The following SPPL3 variants were observed in gnomAD, a reference collection of about 807,000 sequenced individuals.
SPPL3 encodes signal peptide peptidase-like 3.
A neutral mutation model predicts 42.4 loss-of-function variants in SPPL3; 5 were observed. The ratio of observed to expected loss-of-function variants is 0.12; its 90% CI spans 0.06 to 0.25. SPPL3 has a LOEUF of 0.25. SPPL3 is among the 10% of genes least tolerant of loss of function. SPPL3 has a pLI of 1.00. For synonymous variants in SPPL3, 195 were observed against 181.8 expected, an observed-to-expected ratio of 1.07 and a Z score of -0.58; for missense variants, 235 against 489.0, an observed-to-expected ratio of 0.48 and a Z score of 4.90.
At chr12:120,901,653 C>T (rs990003115) in intron 1 of SPPL3, among the ~76,000 whole-genome samples, 4 of 151,652 alleles carry the variant, frequency 2.6e-5, no homozygotes, top group African/African-American at 9.7e-5. Context: ...ATATGCCACC[C>T]TCTCTCCAGA....
intron 1 of SPPL3, among the ~76,000 whole-genome samples, chr12:120,895,573 G>A (rs534013510): frequency 2.0e-5 from 3 of 152,226 alleles, no homozygotes; most frequent in Non-Finnish European, 4.4e-5. Context: ...CAATATAAAG[G>A]ACATCTCAAA....
intron 2 of SPPL3, among the ~76,000 whole-genome samples, chr12:120,802,949 T>C (rs1870366640): frequency 6.6e-6 from 1 of 152,196 alleles, no homozygotes; most frequent in African/African-American, 2.4e-5. Flanking sequence ...GCCACCAACT[T>C]ATATTGAAGG....
At chr12:120,803,209 T>C (rs1306199220) in intron 2 of SPPL3, among the ~76,000 whole-genome samples, 1 of 152,244 alleles carries the variant, frequency 6.6e-6, no homozygotes, top group African/African-American at 2.4e-5. Context: ...ACAGGAGTGC[T>C]GGCATTATGG....
intron 1 of SPPL3, among the ~76,000 whole-genome samples, chr12:120,846,158 G>C (rs1367216229): frequency 6.6e-6 from 1 of 152,164 alleles, no homozygotes; most frequent in Non-Finnish European, 1.5e-5. Context: ...GGTTAGCTCT[G>C]TGAGAGCAGG....
At chr12:120,900,106 C>G (rs915937187) in intron 1 of SPPL3, among the ~76,000 whole-genome samples, 1 of 151,894 alleles carries the variant, frequency 6.6e-6, no homozygotes, top group Non-Finnish European at 1.5e-5. Flanking sequence ...AATAATAAAC[C>G]TCCATGTACT....
chr12:120,901,909 T>C (rs2137075142), intron 1 of SPPL3: 1 of 985,534 alleles, frequency 1.0e-6, no homozygotes, highest in Non-Finnish European at 1.2e-6. Flanking sequence ...CCCCATTTCT[T>C]GACCACTGAG....
chr12:120,762,723 A>G lies in SPPL3; in HGVS notation c.*2276T>C, dbSNP rs1224659273. ...ATTCTTCTGCCTCAGCCTCCCAAAT[A>G]GCTGGGATTACAGGCGCCTGCCACC... is the stretch of plus-strand genomic sequence containing the variant. On this transcript the variant is annotated 3_prime_UTR_variant, in exon 11 of 11. Transcript: ENST00000353487. 6.6e-6 allele frequency: 1 copy of G among 151,646 alleles called. No individual in the cohort carries two copies. Among genetic ancestry groups the G allele is most frequent in the Non-Finnish European group, 1.5e-5 (1 of 68,034 alleles). 9.4% of individuals were successfully genotyped at this position (151,646 alleles called of 1,614,324 possible). A position where few individuals can be genotyped will look rare whatever the true frequency, so the allele number is the denominator to read the frequency against.
At chr12:120,883,174 G>A (rs569616853) in intron 1 of SPPL3, among the ~76,000 whole-genome samples, 86 of 151,896 alleles carry the variant, frequency 5.7e-4, no homozygotes, top group Middle Eastern at 6.9e-3. Context: ...GCGTGGTGGC[G>A]GGCACCTGTA....
At chr12:120,806,187 T>C (rs540043206) in intron 2 of SPPL3, among the ~76,000 whole-genome samples, 1 of 135,800 alleles carries the variant, frequency 7.4e-6, no homozygotes, top group South Asian at 2.5e-4. Context: ...TATCTTTACT[T>C]TTATGGTCGA....
At chr12:120,814,004 A>G (rs922754734) in intron 1 of SPPL3, among the ~76,000 whole-genome samples, 3 of 152,214 alleles carry the variant, frequency 2.0e-5, no homozygotes, top group African/African-American at 7.2e-5. Flanking sequence ...AAAGTTAAAC[A>G]TAAGTTTATC....
chr12:120,837,838 A>G (rs889589343), intron 1 of SPPL3, among the ~76,000 whole-genome samples: 9 of 145,302 alleles, frequency 6.2e-5, no homozygotes, highest in Non-Finnish European at 1.4e-4. Flanking sequence ...ACACACACAC[A>G]TGACTAGTGC....
rs1294165677 is a variant in SPPL3 at position 120,810,824 on chromosome 12, A to G, written c.86T>C (p.Val29Ala). 1.2e-6 allele frequency: 2 copies of G among 1,611,498 alleles called. No homozygotes were observed. Among genetic ancestry groups the G allele is most frequent in the Non-Finnish European group, 1.7e-6 (2 of 1,177,728 alleles). Residue 29 changes from valine to alanine, a missense_variant, in exon 2 of 11, where the codon GTC becomes GCC. Physicochemically the swap from Val to Ala is moderately conservative, Grantham distance 64. This residue lies in a region of SPPL3 where 110 missense variants were observed against 186.2 expected (regional missense o/e 0.59). Coordinates refer to ENST00000353487, the MANE Select transcript of SPPL3 (RefSeq NM_139015.5). ...AATATCTTACCTGAAACTACCATAGACTATAAGAAGAATGGAAATCAGAAA... is the reference window on the plus strand; with the variant it reads ...AATATCTTACCTGAAACTACCATAGGCTATAAGAAGAATGGAAATCAGAAA... Reference protein sequence around the residue: ...STFLISILLIVYGSFRSLNMD... With the variant: ...STFLISILLIAYGSFRSLNMD...
At chr12:120,893,454 A>G (rs1873708784) in intron 1 of SPPL3, among the ~76,000 whole-genome samples, 1 of 152,124 alleles carries the variant, frequency 6.6e-6, no homozygotes, top group South Asian at 2.1e-4. Context: ...TAAAAAACAA[A>G]AAGAAGACCT....
At chr12:120,868,552 A>G (rs1046617507) in intron 1 of SPPL3, among the ~76,000 whole-genome samples, 7 of 151,866 alleles carry the variant, frequency 4.6e-5, no homozygotes, top group African/African-American at 1.7e-4. Flanking sequence ...CACAATCTTG[A>G]CTCACTGAAA....
chr12:120,865,974 C>T (rs891516949), intron 1 of SPPL3, among the ~76,000 whole-genome samples: 5 of 152,092 alleles, frequency 3.3e-5, no homozygotes, highest in Admixed American at 1.3e-4. Context: ...ACTGTGCATG[C>T]GAGGGATCTA....
At position 120,839,521 on chromosome 12, in the gene SPPL3, C is replaced by A. The variant is rs566649752; in HGVS notation, c.24-28635G>T. Among the ~76,000 whole-genome samples, 22 of 152,072 alleles carry A rather than the reference C, an allele frequency of 1.4e-4. No individual in the cohort carries two copies. In the South Asian group the frequency reaches 3.8e-3, roughly 26 times the overall value. The stretch of plus-strand genomic sequence containing the variant: ...CTTAAAGTATAATAATAAACAAAAA[C>A]AAAAACAAAAACCTCATGAGCTTTC... On this transcript the variant is annotated intron_variant, in intron 1 of 10. Transcript: ENST00000353487.
At chr12:120,855,592 C>T (rs930075189) in intron 1 of SPPL3, among the ~76,000 whole-genome samples, 3 of 151,640 alleles carry the variant, frequency 2.0e-5, no homozygotes, top group African/African-American at 4.9e-5. Context: ...GAGGCTGAGA[C>T]GGGAGAATCG....
At chr12:120,864,400 T>G (rs1019479481) in intron 1 of SPPL3, among the ~76,000 whole-genome samples, 16 of 152,104 alleles carry the variant, frequency 1.1e-4, no homozygotes. Context: ...CCGGGTGTGG[T>G]GGCACATGCC....
At chr12:120,841,542 G>C (rs1871832952) in intron 1 of SPPL3, among the ~76,000 whole-genome samples, 1 of 152,084 alleles carries the variant, frequency 6.6e-6, no homozygotes, top group Non-Finnish European at 1.5e-5. Context: ...GAAAGGCCAA[G>C]TTATAATTAT....
Sources: gnomAD v4.1 joint callset for allele counts (sites outside exome capture counted in the v4.1 genomes callset) on GRCh38, gnomAD v4.1.1 for gene constraint, gnomAD v4.1.1 regional missense constraint, MANE v1.5 for transcripts, NCBI Gene and HGNC (gene_info 2026-07-23, HGNC 2026-07-21) for gene names.